MEIS2: variants seen among roughly 807,000 people sequenced by gnomAD.
MEIS2 encodes homeobox protein Meis2.
Under a neutral mutation model 58.6 loss-of-function variants are expected in MEIS2, and 9 were observed. The observed-to-expected ratio is 0.15, with a 90% CI of 0.09 to 0.27. The LOEUF is 0.27. MEIS2 is among the 10% of genes least tolerant of loss of function. MEIS2 has a pLI of 1.00. For synonymous variants in MEIS2, 221 were observed against 228.4 expected (o/e 0.97, Z 0.29); for missense variants, 427 against 635.0 (o/e 0.67, Z 3.52).
chr15:36,896,425 G>A (rs548627621), intron 10 of MEIS2, among the ~76,000 whole-genome samples: 32 of 152,232 alleles, frequency 2.1e-4, no homozygotes, highest in African/African-American at 7.0e-4. Flanking sequence ...AAAAAGCAGT[G>A]TCAGTAGAGT....
At position 36,892,156 on chromosome 15, in the gene MEIS2, C is replaced by T. The variant is rs754138565; in HGVS notation, c.*17G>A. 3 of 1,612,458 alleles carry T rather than the reference C, an allele frequency of 1.9e-6. No individual in the cohort carries two copies. Among genetic ancestry groups the T allele is most frequent in the South Asian group, 1.1e-5 (1 of 90,630 alleles). On this transcript the variant is annotated 3_prime_UTR_variant, in exon 12 of 12. Transcript: ENST00000561208. ...TAGTTTTTGCGTGTGTTTCCTTTTC[C>T]CTTGAGTTCCCTTATACTATTGGGC...
intron 9 of MEIS2, among the ~76,000 whole-genome samples, chr15:36,926,140 A>G (rs2057737301): frequency 1.3e-5 from 2 of 151,992 alleles, no homozygotes; most frequent in Non-Finnish European, 2.9e-5. Context: ...GGAAAATGAA[A>G]GTATATTTCA....
Position 36,894,653 on chromosome 15 carries a change from T to G in MEIS2, c.1147+498A>C, listed in dbSNP as rs1442256849. ...AAGGAAAAATAAAATGGGGGCAAATTATAAAAAATAAAATAAAGTCTCTGA... is the reference window on the plus strand; with the variant it reads ...AAGGAAAAATAAAATGGGGGCAAATGATAAAAAATAAAATAAAGTCTCTGA... On this transcript the variant is annotated intron_variant, in intron 11 of 11. Coordinates refer to ENST00000561208, the MANE Select transcript of MEIS2 (RefSeq NM_170675.5). The G allele has an allele frequency of 3.7e-6, 5 of 1,346,346 alleles. No homozygotes were observed. The East Asian group carries it at 9.3e-5, about 25-fold the overall frequency. 83.4% of individuals were successfully genotyped at this position (1,346,346 alleles called of 1,614,324 possible). A position where few individuals can be genotyped will look rare whatever the true frequency, so the allele number is the denominator to read the frequency against.
At chr15:36,937,408 C>T (rs1054839713) in intron 9 of MEIS2, among the ~76,000 whole-genome samples, 1 of 152,164 alleles carries the variant, frequency 6.6e-6, no homozygotes, top group Admixed American at 6.5e-5. Context: ...AGTTTGTTTG[C>T]TCTTCTGAAT....
At chr15:36,932,695 G>C (rs535488120) in intron 9 of MEIS2, among the ~76,000 whole-genome samples, 1 of 151,774 alleles carries the variant, frequency 6.6e-6, no homozygotes, top group African/African-American at 2.4e-5. Context: ...TCTGTCTTCT[G>C]TCTGTCTATA....
At chr15:36,911,362 C>T (rs2057016965) in intron 9 of MEIS2, among the ~76,000 whole-genome samples, 1 of 151,874 alleles carries the variant, frequency 6.6e-6, no homozygotes, top group Non-Finnish European at 1.5e-5. Flanking sequence ...CTGGATGTTT[C>T]ATTAATCAGA....
chr15:37,009,498 C>T (rs1299014154), intron 8 of MEIS2, among the ~76,000 whole-genome samples: 2 of 152,098 alleles, frequency 1.3e-5, no homozygotes, highest in Non-Finnish European at 2.9e-5. Context: ...TGCTAGGATA[C>T]CTAAGTGTTG....
intron 9 of MEIS2, among the ~76,000 whole-genome samples, chr15:36,927,146 A>G (rs984132121): frequency 2.0e-5 from 3 of 152,124 alleles, no homozygotes; most frequent in East Asian, 3.9e-4. Flanking sequence ...GACCTCATAA[A>G]TCTCAGCAAC....
At chr15:37,009,945 A>G (rs1393191834) in intron 8 of MEIS2, among the ~76,000 whole-genome samples, 1 of 152,230 alleles carries the variant, frequency 6.6e-6, no homozygotes, top group Non-Finnish European at 1.5e-5. Context: ...AAAGCAGAAT[A>G]AGTGAATAAA....
At chr15:37,094,603 G>C in intron 4 of MEIS2, 26 bp from the exon 5 acceptor site, 1 of 1,604,836 alleles carries the variant, frequency 6.2e-7, no homozygotes, top group Non-Finnish European at 8.5e-7. Flanking sequence ...AGGGAATGGA[G>C]TTAGAGCTCT....
intron 8 of MEIS2, among the ~76,000 whole-genome samples, chr15:37,009,070 A>G (rs2061027794): frequency 6.6e-6 from 1 of 152,122 alleles, no homozygotes; most frequent in Non-Finnish European, 1.5e-5. Context: ...CGGGCAGATC[A>G]CAAGGTCAGG....
intron 8 of MEIS2, among the ~76,000 whole-genome samples, chr15:36,951,206 T>C (rs752874191): frequency 3.7e-4 from 57 of 152,164 alleles, no homozygotes; most frequent in Non-Finnish European, 5.9e-4. Flanking sequence ...CAAGACACTT[T>C]CCTCTCTGAT....
chr15:36,909,466 C>A (rs909159224), intron 9 of MEIS2, among the ~76,000 whole-genome samples: 14 of 151,946 alleles, frequency 9.2e-5, no homozygotes, highest in African/African-American at 3.4e-4. Context: ...ATAAAAGAGC[C>A]CTGAGTTTAA....
intron 7 of MEIS2, among the ~76,000 whole-genome samples, chr15:37,046,253 G>A (rs1258576743): frequency 2.0e-5 from 3 of 152,160 alleles, no homozygotes; most frequent in Non-Finnish European, 2.9e-5. Context: ...TCTACAACCT[G>A]GAGAAGGCAA....
At chr15:36,934,266 GTT>G (rs796949461) in intron 9 of MEIS2, among the ~76,000 whole-genome samples, 1 of 145,108 alleles carries the variant, frequency 6.9e-6, no homozygotes, top group African/African-American at 2.5e-5. Context: ...ACCCATTTGT[GTT>G]TTTTTTTTTC....
At chr15:37,077,386 G>A (rs1267879364) in intron 7 of MEIS2, among the ~76,000 whole-genome samples, 1 of 152,034 alleles carries the variant, frequency 6.6e-6, no homozygotes, top group African/African-American at 2.4e-5. Context: ...AAAGGGTTGT[G>A]CATTGCTTTC....
At chr15:37,040,759 C>T (rs2062388795) in intron 7 of MEIS2, among the ~76,000 whole-genome samples, 1 of 152,138 alleles carries the variant, frequency 6.6e-6, no homozygotes, top group Admixed American at 6.5e-5. Context: ...AGACTCAAGG[C>T]CTGTGGACAG....
At chr15:36,976,236 C>T (rs1046683995) in intron 8 of MEIS2, among the ~76,000 whole-genome samples, 1 of 151,962 alleles carries the variant, frequency 6.6e-6, no homozygotes, top group African/African-American at 2.4e-5. Flanking sequence ...AGGCGGCCAC[C>T]ACCATGCCCA....
chr15:37,013,281 G>T (rs573859112), intron 8 of MEIS2, among the ~76,000 whole-genome samples: 9 of 152,080 alleles, frequency 5.9e-5, no homozygotes, highest in African/African-American at 1.9e-4. Flanking sequence ...GAAAAAAGAT[G>T]ATTTTAAGGC....
Sources: allele counts gnomAD v4.1 joint callset (sites outside exome capture counted in the v4.1 genomes callset), GRCh38; gene constraint gnomAD v4.1.1; transcripts MANE v1.5; gene names NCBI Gene and HGNC (gene_info 2026-07-23, HGNC 2026-07-21).